Variants in SPAST observed in about 807,000 individuals in gnomAD.
SPAST encodes the protein spastin.
A neutral mutation model predicts 76.6 loss-of-function variants in SPAST; 30 were observed. That is an observed-to-expected ratio of 0.39 (90% CI 0.29 to 0.53). The LOEUF is 0.53. SPAST is among the 20% of genes least tolerant of loss of function. The pLI is 0.68. For synonymous variants in SPAST, 305 were observed against 281.0 expected, an observed-to-expected ratio of 1.09 and a Z score of -0.86; for missense variants, 717 against 770.5, an observed-to-expected ratio of 0.93 and a Z score of 0.82.
chr2:32,099,316 T>C (rs1019023109), intron 4 of SPAST, among the ~76,000 whole-genome samples: 8 of 152,220 alleles, frequency 5.3e-5, no homozygotes, highest in Admixed American at 3.9e-4. Flanking sequence ...TATATGTGAA[T>C]GTCTTATAGT....
chr2:32,122,780 A>T (rs1251005686), intron 7 of SPAST, among the ~76,000 whole-genome samples: 7 of 81,114 alleles, frequency 8.6e-5, no homozygotes, highest in Middle Eastern at 6.2e-3. Flanking sequence ...TCTATATTTA[A>T]AAAAAAAAAA....
chr2:32,118,526 A>G (rs1678917268), intron 7 of SPAST, among the ~76,000 whole-genome samples: 2 of 152,146 alleles, frequency 1.3e-5, no homozygotes, highest in African/African-American at 4.8e-5. Flanking sequence ...ATTTTGCTGG[A>G]GTTATATAAG....
chr2:32,123,933 C>A (rs1220223338), intron 7 of SPAST, among the ~76,000 whole-genome samples: 4 of 151,728 alleles, frequency 2.6e-5, no homozygotes, highest in Admixed American at 6.6e-5. Context: ...AGGAGAAAAT[C>A]TAGGATAACA....
At chr2:32,106,757 C>G (rs1465187592) in intron 4 of SPAST, among the ~76,000 whole-genome samples, 3 of 152,120 alleles carry the variant, frequency 2.0e-5, no homozygotes, top group African/African-American at 7.2e-5. Context: ...ACAGTATAGT[C>G]AGTGGCAGTT....
chr2:32,079,744 A>G (rs1677127590), intron 1 of SPAST, among the ~76,000 whole-genome samples: 2 of 152,092 alleles, frequency 1.3e-5, no homozygotes, highest in Non-Finnish European at 2.9e-5. Flanking sequence ...CTTTTTGTAG[A>G]GATAGGGTTT....
intron 13 of SPAST, 91 bp downstream of exon 13, chr2:32,142,037 C>A: frequency 9.9e-7 from 1 of 1,008,190 alleles, no homozygotes; most frequent in Non-Finnish European, 1.5e-6. Flanking sequence ...CATGGTACAG[C>A]TACTTTGGAA....
chr2:32,101,364 C>A (rs1558313590), intron 4 of SPAST, among the ~76,000 whole-genome samples: 1 of 151,958 alleles, frequency 6.6e-6, no homozygotes, highest in Admixed American at 6.6e-5. Flanking sequence ...GGATATCAGC[C>A]CTTTGTCAGA....
At chr2:32,116,835 G>A (rs1014361826) in intron 7 of SPAST, among the ~76,000 whole-genome samples, 1 of 152,134 alleles carries the variant, frequency 6.6e-6, no homozygotes, top group Non-Finnish European at 1.5e-5. Context: ...TAGTGTGGGG[G>A]CGCACGCTTG....
Position 32,114,773 on chromosome 2 carries a change from C to T in SPAST, c.818C>T (p.Ser273Phe). 6.2e-7 allele frequency: 1 copy of T among 1,614,066 alleles called. No homozygotes were observed. The highest frequency in any genetic ancestry group is 8.5e-7 in the Non-Finnish European group (1 of 1,179,970). ...AGAGCACCTAGTTACAGTGGTTTAT[C>T]CATGGTTTCTGGAGTGAAACAGGGA... ...HHRAPSYSGLSMVSGVKQGSG... is the reference protein window; with the variant it reads ...HHRAPSYSGLFMVSGVKQGSG... Residue 273 changes from serine (S) to phenylalanine (F), a missense_variant, in exon 5 of 17, where the codon TCC (serine) becomes TTC (phenylalanine). Around this residue, in one of 3 missense-constraint regions of SPAST, gnomAD observed 543 missense variants for 445.2 expected, o/e 1.22. Coordinates refer to ENST00000315285, the MANE Select transcript of SPAST (RefSeq NM_014946.4).
intron 15 of SPAST, among the ~76,000 whole-genome samples, chr2:32,146,634 A>G (rs1451869673): frequency 2.0e-5 from 3 of 152,148 alleles, no homozygotes; most frequent in African/African-American, 7.2e-5. Flanking sequence ...TGGGAGGCCA[A>G]GATGGGTGGA....
At chr2:32,068,970 G>A (rs1470412720) in intron 1 of SPAST, among the ~76,000 whole-genome samples, 1 of 151,948 alleles carries the variant, frequency 6.6e-6, no homozygotes, top group Admixed American at 6.6e-5. Flanking sequence ...AGCACTTTGG[G>A]AGGCAGAGGC....
In SPAST at chr2:32,105,206, C is replaced by A. The variant is rs201821133; in HGVS notation, c.682+6315C>A. ...TCTGGCTTCATTTCATTCATTTGAT[C>A]TTCAATCACTGATACCCTTTCTTCC... is the stretch of plus-strand genomic sequence containing the variant. On this transcript the variant is annotated intron_variant, in intron 4 of 16. Coordinates refer to ENST00000315285, the MANE Select transcript of SPAST (RefSeq NM_014946.4). Among the ~76,000 whole-genome samples, 6 of 152,224 alleles carry A rather than the reference C, an allele frequency of 3.9e-5. No homozygotes were observed. The East Asian group carries it at 1.2e-3, about 29-fold the overall frequency.
rs551192397 is a variant in SPAST, at chr2:32,063,974, G to A, written c.143G>A (p.Arg48Gln). ...PAPPPESPHK[R>Q]NLYYFSYPLF... ...CCTCCGCCCGAGTCGCCGCATAAGC[G>A]GAACCTGTACTATTTCTCCTACCCG... The change falls in exon 1 of 17, where the codon CGG becomes CAG. Residue 48 changes from arginine to glutamine, a missense_variant. Arg to Gln is a conservative substitution (Grantham distance 43). Coordinates refer to ENST00000315285, the MANE Select transcript of SPAST (RefSeq NM_014946.4). 3.1e-6 allele frequency: 5 copies of A among 1,613,034 alleles called. No homozygotes were observed. The highest frequency in any genetic ancestry group is 4.2e-6 in the Non-Finnish European group (5 of 1,179,394).
At chr2:32,067,007 A>C (rs963381061) in intron 1 of SPAST, among the ~76,000 whole-genome samples, 2 of 144,448 alleles carry the variant, frequency 1.4e-5, no homozygotes, top group African/African-American at 2.6e-5. Context: ...AAAAAAAAAA[A>C]CTGTTTTAAT....
At chr2:32,090,221 C>T (rs1306340674) in intron 3 of SPAST, among the ~76,000 whole-genome samples, 1 of 152,168 alleles carries the variant, frequency 6.6e-6, no homozygotes, top group Non-Finnish European at 1.5e-5. Flanking sequence ...TGGCACACAG[C>T]CATTCCTTTC....
At chr2:32,147,747 T>C (rs1453548950) in intron 16 of SPAST, among the ~76,000 whole-genome samples, 1 of 152,080 alleles carries the variant, frequency 6.6e-6, no homozygotes, top group Non-Finnish European at 1.5e-5. Flanking sequence ...TTCTCCTGCC[T>C]CAGCCTCCCT....
chr2:32,074,610 G>A (rs765791515), intron 1 of SPAST, among the ~76,000 whole-genome samples: 14 of 151,762 alleles, frequency 9.2e-5, no homozygotes, highest in Non-Finnish European at 1.6e-4. Context: ...GGATTCAAGC[G>A]ACTCTCCTGC....
In SPAST at chr2:32,098,851, C is replaced by A. The variant is rs1678016729; in HGVS notation, c.642C>A (p.Asp214Glu). 9 of 1,613,766 alleles carry A rather than the reference C, an allele frequency of 5.6e-6. No homozygotes were observed. Among genetic ancestry groups the A allele is most frequent in the Non-Finnish European group, 7.6e-6 (9 of 1,179,802 alleles). The part of the protein sequence containing the change: ...FSKSQTDVYN[D>E]STNLACRNGH... ...AGTCACAAACGGACGTCTATAATGA[C>A]AGTACTAACTTGGCATGCCGCAATG... Residue 214 changes from aspartate (D) to glutamate (E), a missense_variant, in exon 4 of 17, where the codon GAC (aspartate) becomes GAA (glutamate). Asp to Glu is a conservative substitution (Grantham distance 45). Coordinates refer to ENST00000315285, the MANE Select transcript of SPAST (RefSeq NM_014946.4).
chr2:32,118,507 T>C (rs1477961263), intron 7 of SPAST, among the ~76,000 whole-genome samples: 1 of 152,168 alleles, frequency 6.6e-6, no homozygotes, highest in Admixed American at 6.6e-5. Context: ...GCTTACGTAT[T>C]GAGCTAACAT....
Sources: allele counts gnomAD v4.1 joint callset (sites outside exome capture counted in the v4.1 genomes callset), GRCh38; gene constraint gnomAD v4.1.1; regional missense constraint gnomAD v4.1.1; transcripts MANE v1.5; gene names NCBI Gene and HGNC (gene_info 2026-07-23, HGNC 2026-07-21).